The following AUTS2 variants were observed in gnomAD, a reference collection of about 807,000 sequenced individuals.
AUTS2 encodes the protein autism susceptibility gene 2 protein.
AUTS2 carries 17 observed loss-of-function variants against 112.4 expected under a neutral mutation model. That is an observed-to-expected ratio of 0.15 (90% CI 0.10 to 0.23). AUTS2 has a LOEUF of 0.23. AUTS2 is among the 10% of genes least tolerant of loss of function. The pLI, the probability that AUTS2 is intolerant of heterozygous loss-of-function variation, is 1.00. For synonymous variants in AUTS2, 751 were observed against 702.7 expected, an observed-to-expected ratio of 1.07 and a Z score of -1.09; for missense variants, 1,510 against 1,701.6, an observed-to-expected ratio of 0.89 and a Z score of 1.98.
chr7:70,668,450 G>A (rs1318823647), intron 5 of AUTS2, among the ~76,000 whole-genome samples: 1 of 152,208 alleles, frequency 6.6e-6, no homozygotes, highest in East Asian at 1.9e-4. Context: ...TAAACCCATG[G>A]CAATGACTAA....
At chr7:70,219,542 T>A (rs1811360794) in intron 4 of AUTS2, among the ~76,000 whole-genome samples, 1 of 151,980 alleles carries the variant, frequency 6.6e-6, no homozygotes, top group Non-Finnish European at 1.5e-5. Flanking sequence ...TGAACAGAAA[T>A]TAAGGACAAA....
rs1312116653 is a variant in AUTS2 at position 69,876,353 on chromosome 7, T to A, written c.310-22933T>A. ...AAAAAAAAAAAAAAAAAAAAAAATA[T>A]ATATATATATATATATATATATATA... On this transcript the variant is annotated intron_variant, in intron 1 of 18. Transcript: ENST00000342771. Among the ~76,000 whole-genome samples the A allele has an allele frequency of 4.1e-3, 256 of 62,196 alleles. 3 individuals are homozygous for A. The highest frequency in any genetic ancestry group is 0.012 in the East Asian group (22 of 1,872). 40.8% of individuals were successfully genotyped at this position (62,196 alleles called of 152,430 possible).
chr7:69,997,549 A>G (rs1438059960), intron 2 of AUTS2, among the ~76,000 whole-genome samples: 1 of 152,178 alleles, frequency 6.6e-6, no homozygotes, highest in African/African-American at 2.4e-5. Flanking sequence ...TGCATGCTAT[A>G]CAAGCATAGC....
At chr7:70,624,488 A>G (rs1371650977) in intron 5 of AUTS2, among the ~76,000 whole-genome samples, 1 of 152,186 alleles carries the variant, frequency 6.6e-6, no homozygotes, top group Non-Finnish European at 1.5e-5. Context: ...AAAGAGGCGA[A>G]GTATAAACAA....
At chr7:70,488,204 C>T (rs528906831) in intron 5 of AUTS2, among the ~76,000 whole-genome samples, 1 of 152,310 alleles carries the variant, frequency 6.6e-6, no homozygotes, top group South Asian at 2.1e-4. Context: ...CTTCATAAGC[C>T]CTCGTGCCCG....
intron 5 of AUTS2, among the ~76,000 whole-genome samples, chr7:70,676,810 G>A (rs1807935507): frequency 6.6e-6 from 1 of 152,008 alleles, no homozygotes; most frequent in Non-Finnish European, 1.5e-5. Context: ...CCAGGAGGTG[G>A]AGGTTGCAGT....
chr7:70,751,685 G>A (rs1002139422), intron 6 of AUTS2, among the ~76,000 whole-genome samples: 1 of 152,052 alleles, frequency 6.6e-6, no homozygotes, highest in Non-Finnish European at 1.5e-5. Flanking sequence ...TCCTACACCT[G>A]TGTCACAGAC....
chr7:70,475,680 A>G (rs1444421073), intron 5 of AUTS2, among the ~76,000 whole-genome samples: 1 of 152,206 alleles, frequency 6.6e-6, no homozygotes, highest in Admixed American at 6.5e-5. Flanking sequence ...GGCAGTATAA[A>G]TGAGACATCC....
At chr7:69,838,428 C>A (rs1435572087) in intron 1 of AUTS2, among the ~76,000 whole-genome samples, 2 of 152,088 alleles carry the variant, frequency 1.3e-5, no homozygotes. Flanking sequence ...GTATTATTAT[C>A]CCTGTTTTAC....
chr7:69,599,434 G>A lies in AUTS2; in HGVS notation c.-220G>A. 2.5e-6 allele frequency: 1 copy of A among 400,322 alleles called. No individual in the cohort carries two copies. Among genetic ancestry groups the A allele is most frequent in the Non-Finnish European group, 4.2e-6 (1 of 236,808 alleles). The allele number at this position is 400,322 out of a possible 1,614,324, so 24.8% of individuals were successfully genotyped here. The stretch of plus-strand genomic sequence containing the variant: ...CTTGGGCTCCTCGCCTCTCGCCCTC[G>A]CTCCCCGTCCCTCCTCCCCTCTCTC... On this transcript the variant is annotated 5_prime_UTR_variant, in exon 1 of 19. Coordinates refer to ENST00000342771, the MANE Select transcript of AUTS2 (RefSeq NM_015570.4). The surrounding 1 kb of genome is among the most constrained non-coding windows in gnomAD (Gnocchi z 7.0).
intron 1 of AUTS2, among the ~76,000 whole-genome samples, chr7:69,715,227 T>TAAAAAA (rs61555118): frequency 3.9e-5 from 5 of 129,414 alleles, no homozygotes; most frequent in African/African-American, 8.6e-5. Context: ...CAGGCATAAG[T>TAAAAAA]AAAAAAAAAA....
intron 2 of AUTS2, among the ~76,000 whole-genome samples, chr7:70,086,369 C>T (rs1803600140): frequency 6.6e-6 from 1 of 152,052 alleles, no homozygotes; most frequent in Admixed American, 6.6e-5. Flanking sequence ...TGGCCGGGCA[C>T]AATGGCTCAC....
chr7:69,936,279 T>G (rs1011582378), intron 2 of AUTS2, among the ~76,000 whole-genome samples: 3 of 152,220 alleles, frequency 2.0e-5, no homozygotes, highest in Non-Finnish European at 4.4e-5. Context: ...TGGCCTGTAT[T>G]GGTCAGTCTG....
chr7:69,806,535 C>T (rs1039790302), intron 1 of AUTS2, among the ~76,000 whole-genome samples: 1 of 152,046 alleles, frequency 6.6e-6, no homozygotes, highest in Non-Finnish European at 1.5e-5. Flanking sequence ...GGTGCCATCA[C>T]GGCTTACTGT....
intron 3 of AUTS2, among the ~76,000 whole-genome samples, chr7:70,127,950 C>A (rs1806067692): frequency 6.6e-6 from 1 of 151,970 alleles, no homozygotes; most frequent in African/African-American, 2.4e-5. Flanking sequence ...CCCTCCCTCC[C>A]TCTCTTGAAA....
intron 4 of AUTS2, among the ~76,000 whole-genome samples, chr7:70,331,633 G>C (rs1157390570): frequency 6.6e-6 from 1 of 151,726 alleles, no homozygotes; most frequent in Non-Finnish European, 1.5e-5. Context: ...AATCAAGTCG[G>C]CTTCATCCCT....
At chr7:70,230,392 C>T (rs1811985093) in intron 4 of AUTS2, among the ~76,000 whole-genome samples, 1 of 152,140 alleles carries the variant, frequency 6.6e-6, no homozygotes, top group African/African-American at 2.4e-5. Flanking sequence ...CTTATATAAG[C>T]CTAGCTTTCT....
chr7:70,035,189 T>C (rs1800946940), intron 2 of AUTS2, among the ~76,000 whole-genome samples: 1 of 152,246 alleles, frequency 6.6e-6, no homozygotes, highest in Non-Finnish European at 1.5e-5. Flanking sequence ...ATGCCTTTGA[T>C]GATGTGAGCT....
At chr7:69,773,669 C>T (rs1043475184) in intron 1 of AUTS2, among the ~76,000 whole-genome samples, 1 of 152,098 alleles carries the variant, frequency 6.6e-6, no homozygotes, top group Non-Finnish European at 1.5e-5. Context: ...TGGAAGCAGG[C>T]GGTGCTTCAG....
Sources: gnomAD v4.1 joint callset for allele counts (sites outside exome capture counted in the v4.1 genomes callset) on GRCh38, gnomAD v4.1.1 for gene constraint, Gnocchi (gnomAD v3.1) non-coding constraint, MANE v1.5 for transcripts, NCBI Gene and HGNC (gene_info 2026-07-23, HGNC 2026-07-21) for gene names.